The following KRT17 variants were observed in gnomAD, a reference collection of about 807,000 sequenced individuals.
The protein encoded by KRT17 is keratin, type I cytoskeletal 17.
A neutral mutation model predicts 45.6 loss-of-function variants in KRT17; 29 were observed. The ratio of observed to expected loss-of-function variants is 0.64; its 90% CI spans 0.47 to 0.87. The LOEUF (loss-of-function observed/expected upper bound fraction) is 0.87. KRT17 is among the 40% of genes least tolerant of loss of function. The pLI is 0.00. For missense variants in KRT17, 536 were observed against 577.8 expected, an observed-to-expected ratio of 0.93 and a Z score of 0.74; for synonymous variants, 219 against 234.6, an observed-to-expected ratio of 0.93 and a Z score of 0.61.
Position 41,619,517 on chromosome 17 carries a change from G to C in KRT17, c.*77C>G. The stretch of plus-strand genomic sequence containing the variant: ...GGACTGAAGCAGGGGGCTGAGGCTG[G>C]AGAGGCCGGAGACTGTGGGGCAGAT... On this transcript the variant is annotated 3_prime_UTR_variant, in exon 8 of 8. Coordinates refer to ENST00000311208, the MANE Select transcript of KRT17 (RefSeq NM_000422.3). 1.2e-6 allele frequency: 2 copies of C among 1,610,488 alleles called. No individual in the cohort carries two copies. Among genetic ancestry groups the C allele is most frequent in the Non-Finnish European group, 1.7e-6 (2 of 1,179,102 alleles).
chr17:41,623,014 C>G lies in KRT17; in HGVS notation c.451G>C (p.Asp151His), dbSNP rs1273768738. The G allele has an allele frequency of 1.2e-6, 2 of 1,613,248 alleles. No homozygotes were observed. Among genetic ancestry groups the G allele is most frequent in the Non-Finnish European group, 1.7e-6 (2 of 1,179,688 alleles). ...LQNKILTATV[D>H]NANILLQIDN... ...ATCTGTAGCAGGATGTTGGCATTGTCCACGGTGGCTGTGAGGATCTGAGGA... is the reference window on the plus strand; with the variant it reads ...ATCTGTAGCAGGATGTTGGCATTGTGCACGGTGGCTGTGAGGATCTGAGGA... Residue 151 changes from aspartate (D) to histidine (H), a missense_variant, in exon 2 of 8, where the codon GAC becomes CAC. Transcript: ENST00000311208.
chr17:41,619,918 G>T, intron 7 of KRT17: 3 of 985,406 alleles, frequency 3.0e-6, no homozygotes, highest in Non-Finnish European at 3.6e-6. Context: ...TGCCTCCCCA[G>T]ATGGGTTATT....
At chr17:41,621,182 CCTTCTCACCAG>C (rs1030882068) in intron 4 of KRT17, 91 bp from the exon 5 acceptor site, 79 of 1,512,362 alleles carry the variant, frequency 5.2e-5, no homozygotes, top group Non-Finnish European at 7.0e-5. Flanking sequence ...AGAGAGTGTG[CCTTCTCACCAG>C]CTTCCCACAT....
In KRT17 at chr17:41,620,032, C is replaced by T. The variant is rs1908484567; in HGVS notation, c.1205-344G>A. On this transcript the variant is annotated intron_variant, in intron 7 of 7. Transcript: ENST00000311208. ...TAGGACATAGATTTTCTACCATCTC[C>T]CCCATCAGACTGGGATCGCCAAGAC... The T allele has an allele frequency of 1.6e-5, 16 of 985,264 alleles. 2 individuals carry two copies. The South Asian group carries it at 7.0e-4, about 43-fold the overall frequency. 61.0% of individuals were successfully genotyped at this position (985,264 alleles called of 1,614,324 possible).
In KRT17 at chr17:41,624,314, C is replaced by T. The variant is rs1477627658; in HGVS notation, c.196G>A (p.Gly66Ser). Reference sequence around the variant, plus strand: ...CCAAAGCTGCTGCCATAGCCACCACCAGAGCCAAAGCTGTAGCAGCTGGAG... The same window carrying T: ...CCAAAGCTGCTGCCATAGCCACCACTAGAGCCAAAGCTGTAGCAGCTGGAG... The part of the protein sequence containing the change: ...SYSSCYSFGS[G>S]GGYGSSFGGV... The change falls in exon 1 of 8, where the codon GGT becomes AGT. Residue 66 changes from glycine (G) to serine (S), a missense_variant. Transcript: ENST00000311208. The T allele has an allele frequency of 2.5e-6, 4 of 1,612,060 alleles. No individual in the cohort carries two copies. The highest frequency in any genetic ancestry group is 2.2e-5 in the East Asian group (1 of 44,892).
At chr17:41,622,832 C>G in intron 2 of KRT17, 118 bp downstream of exon 2, 3 of 901,880 alleles carry the variant, frequency 3.3e-6, no homozygotes, top group Non-Finnish European at 5.6e-6. Flanking sequence ...CTAGGACTGC[C>G]CCACCCTGAG....
rs1272978963 is a variant in KRT17 at position 41,621,064 on chromosome 17, T to C, written c.862A>G (p.Thr288Ala). ...CCACTCTGCACCAGCTCACTGTTGG[T>C]GGCCACCTCGCGGTTCAGTTCCTCT... ...KTEELNREVA[T>A]NSELVQSGKS... Residue 288 changes from threonine to alanine, a missense_variant, in exon 5 of 8, where the codon ACC becomes GCC. Physicochemically the swap from Thr to Ala is moderately conservative, Grantham distance 58. Transcript: ENST00000311208. 3 of 1,614,026 alleles carry C rather than the reference T, an allele frequency of 1.9e-6. No individual in the cohort carries two copies. The highest frequency in any genetic ancestry group is 4.5e-5 in the East Asian group (2 of 44,882).
rs754643287 is a variant in KRT17, at chr17:41,619,668, G to A, written c.1225C>T (p.Arg409Cys). ...KKEPVTTRQV[R>C]TIVEEVQDGK... ...TCCTGGACCTCTTCCACAATGGTAC[G>A]CACCTGACGGGTGGTCACCGCTGCA... Residue 409 changes from arginine to cysteine, a missense_variant, in exon 8 of 8, where the codon CGT becomes TGT. Coordinates refer to ENST00000311208, the MANE Select transcript of KRT17 (RefSeq NM_000422.3). 1.9e-5 allele frequency: 31 copies of A among 1,612,076 alleles called. No homozygotes were observed. The South Asian group carries it at 2.4e-4, about 13-fold the overall frequency.
intron 3 of KRT17, 172 bp downstream of exon 3, chr17:41,622,183 G>T: frequency 1.2e-6 from 1 of 838,294 alleles, no homozygotes; most frequent in South Asian, 1.5e-5. Context: ...AGAGGAGTCT[G>T]CCCTGCACAC....
rs757939264 is a variant in KRT17, at chr17:41,619,676, C to A, written c.1217G>T (p.Arg406Leu). ...CTCTTCCACAATGGTACGCACCTGA[C>A]GGGTGGTCACCGCTGCAGGAGAAGC... ...TQYKKEPVTTRQVRTIVEEVQ... is the reference protein window; with the variant it reads ...TQYKKEPVTTLQVRTIVEEVQ... The change falls in exon 8 of 8, where the codon CGT becomes CTT. Residue 406 changes from arginine to leucine, a missense_variant. Arg to Leu is a moderately radical substitution (Grantham distance 102, BLOSUM62 -2). Transcript: ENST00000311208. 3 of 1,612,062 alleles carry A rather than the reference C, an allele frequency of 1.9e-6. No homozygotes were observed. The African/African-American group carries it at 4.0e-5, about 22-fold the overall frequency.
chr17:41,620,706 C>G lies in KRT17; in HGVS notation c.1134G>C (p.Glu378Asp), dbSNP rs376826218. 5 of 1,612,234 alleles carry G rather than the reference C, an allele frequency of 3.1e-6. No homozygotes were observed. The highest frequency in any genetic ancestry group is 3.4e-6 in the Non-Finnish European group (4 of 1,179,872). The part of the protein sequence containing the change: ...KILLDVKTRL[E>D]QEIATYRRLL... Reference sequence around the variant, plus strand: ...GGCGGCGGTAGGTGGCAATCTCCTGCTCCAGCCGCGTCTTCACATCCAGCA... The same window carrying G: ...GGCGGCGGTAGGTGGCAATCTCCTGGTCCAGCCGCGTCTTCACATCCAGCA... The change falls in exon 6 of 8, where the codon GAG becomes GAC. Residue 378 changes from glutamate to aspartate, a missense_variant. Glu to Asp is a conservative substitution (Grantham distance 45, BLOSUM62 2). Coordinates refer to ENST00000311208, the MANE Select transcript of KRT17 (RefSeq NM_000422.3).
intron 2 of KRT17, 169 bp downstream of exon 2, chr17:41,622,781 C>G (rs1908586862): frequency 2.8e-6 from 2 of 724,244 alleles, no homozygotes; most frequent in Non-Finnish European, 5.0e-6. Flanking sequence ...ACCTTCAGAA[C>G]TGGCTGCCTT....
rs1908643017 is a variant in KRT17, at chr17:41,624,152, A to G, written c.358T>C (p.Tyr120His). 6.2e-7 allele frequency: 1 copy of G among 1,611,998 alleles called. No individual in the cohort carries two copies. The highest frequency in any genetic ancestry group is 1.3e-5 in the African/African-American group (1 of 74,786). Residue 120 changes from tyrosine (Y) to histidine (H), a missense_variant, in exon 1 of 8, where the codon TAC (tyrosine) becomes CAC (histidine). Tyr to His is a moderately conservative substitution (Grantham distance 83, BLOSUM62 2). Coordinates refer to ENST00000311208, the MANE Select transcript of KRT17 (RefSeq NM_000422.3). The stretch of plus-strand genomic sequence containing the variant: ...GCGGGCCCCGGGGCCTGCCTCTGGT[A>G]CCAGTCACGGATCTTCACCTCCAGC... ...TELEVKIRDW[Y>H]QRQAPGPARD... is the part of the protein sequence containing the mutation.
At chr17:41,620,927 C>T (rs753826010) in intron 5 of KRT17, 39 bp downstream of exon 5, 7 of 1,614,076 alleles carry the variant, frequency 4.3e-6, no homozygotes, top group Non-Finnish European at 5.9e-6. Flanking sequence ...GGTCAATGCC[C>T]TCTTCTGGGC....
At chr17:41,620,598 G>A in intron 6 of KRT17, 40 bp from the exon 7 acceptor site, 3 of 1,611,056 alleles carry the variant, frequency 1.9e-6, no homozygotes, top group African/African-American at 1.3e-5. Context: ...TTAGATGTGG[G>A]TCTGAGAGCC....
chr17:41,621,817 C>T (rs58505433), intron 3 of KRT17, 63 bp from the exon 4 acceptor site: 3 of 1,602,878 alleles, frequency 1.9e-6, no homozygotes, highest in Non-Finnish European at 2.6e-6. Flanking sequence ...ACTCCCAAGC[C>T]TTCCCCCACA....
intron 2 of KRT17, 134 bp downstream of exon 2, chr17:41,622,816 G>C (rs1468446279): frequency 1.2e-6 from 1 of 805,416 alleles, no homozygotes; most frequent in Non-Finnish European, 2.2e-6. Flanking sequence ...CTAAGGAGTG[G>C]GGCTCCTAGG....
intron 1 of KRT17, chr17:41,623,284 T>C: frequency 4.3e-6 from 2 of 463,794 alleles, no homozygotes; most frequent in South Asian, 4.2e-5. Flanking sequence ...GACAGCTGGC[T>C]GGGAGTATGA....
In KRT17 at chr17:41,624,108, G is replaced by T; in HGVS notation, c.402C>A (p.Tyr134Ter). The change falls in exon 1 of 8, where the codon TAC becomes TAA. Residue 134 changes from tyrosine (Y) to a stop codon, truncating the protein, a stop_gained. Transcript: ENST00000311208. LOFTEE classifies it high-confidence loss of function. The part of the protein sequence containing the change: ...APGPARDYSQ[Y>*]YRTIEELQNK... Reference sequence around the variant, plus strand: ...TCTGCAGCTCCTCAATTGTCCTGTAGTACTGGCTGTAGTCACGGGCGGGCC... The same window carrying T: ...TCTGCAGCTCCTCAATTGTCCTGTATTACTGGCTGTAGTCACGGGCGGGCC... 6.2e-7 allele frequency: 1 copy of T among 1,612,150 alleles called. No homozygotes were observed. The highest frequency in any genetic ancestry group is 8.5e-7 in the Non-Finnish European group (1 of 1,179,926).
Sources: allele counts gnomAD v4.1 joint callset, GRCh38; gene constraint gnomAD v4.1.1; transcripts MANE v1.5; gene names NCBI Gene and HGNC (gene_info 2026-07-23, HGNC 2026-07-21).